ANAPC10: variants seen among roughly 807,000 people sequenced by gnomAD.
ANAPC10 encodes the protein anaphase-promoting complex subunit 10.
A neutral mutation model predicts 22.0 loss-of-function variants in ANAPC10; 12 were observed. The ratio of observed to expected loss-of-function variants is 0.55; its 90% CI spans 0.35 to 0.88. ANAPC10 has a LOEUF of 0.88. ANAPC10 is among the 40% of genes least tolerant of loss of function. The probability of loss-of-function intolerance (pLI) is 0.01; values close to 1 mark genes in which losing one functional copy is unlikely to be tolerated. For synonymous variants in ANAPC10, 65 were observed against 69.5 expected, an observed-to-expected ratio of 0.94 and a Z score of 0.32; for missense variants, 188 against 220.9, an observed-to-expected ratio of 0.85 and a Z score of 0.94.
At chr4:145,097,855 G>A (rs1207636267) in intron 1 of ANAPC10, 1 of 327,878 alleles carries the variant, frequency 3.0e-6, no homozygotes, top group Non-Finnish European at 6.0e-6. Context: ...TATGGAGCTC[G>A]GAAAAGATTG....
chr4:145,013,205 T>A (rs1046547007), intron 4 of ANAPC10, among the ~76,000 whole-genome samples: 2 of 152,172 alleles, frequency 1.3e-5, no homozygotes, highest in African/African-American at 4.8e-5. Context: ...GAGGCCTGCA[T>A]AATTTTTGTT....
Position 145,081,729 on chromosome 4 carries a change from C to T in ANAPC10, c.137G>A (p.Arg46Gln), listed in dbSNP as rs35257136. Residue 46 changes from arginine (R) to glutamine (Q), a missense_variant, in exon 3 of 5, where the codon CGA becomes CAA. Physicochemically the swap from Arg to Gln is conservative, Grantham distance 43. Coordinates refer to ENST00000507656, the MANE Select transcript of ANAPC10 (RefSeq NM_001256706.2). ...CKPGFGVDQL[R>Q]DDNLETYWQS... is the part of the protein sequence containing the mutation. ...CCAATAAGTTTCTAGATTGTCATCT[C>T]GTAACTGATCCACTCCAAATCCTAA... 2.7e-4 allele frequency: 435 copies of T among 1,612,542 alleles called. No homozygotes were observed. Among genetic ancestry groups the T allele is most frequent in the Non-Finnish European group, 3.6e-4 (424 of 1,179,338 alleles).
chr4:145,073,997 T>C (rs1379708540), intron 3 of ANAPC10, among the ~76,000 whole-genome samples: 1 of 151,934 alleles, frequency 6.6e-6, no homozygotes, highest in Non-Finnish European at 1.5e-5. Context: ...CATTAGTCCC[T>C]ATAATCCATA....
At chr4:145,088,414 A>T (rs1747204917) in intron 2 of ANAPC10, among the ~76,000 whole-genome samples, 2 of 152,166 alleles carry the variant, frequency 1.3e-5, no homozygotes, top group Non-Finnish European at 2.9e-5. Context: ...GCATTGCAAA[A>T]TTAACATATA....
chr4:145,052,969 T>C (rs1016668243), intron 4 of ANAPC10, among the ~76,000 whole-genome samples: 8 of 151,532 alleles, frequency 5.3e-5, no homozygotes, highest in South Asian at 2.1e-4. Flanking sequence ...AGGGAAGAAG[T>C]AGGAAAAACA....
intron 4 of ANAPC10, among the ~76,000 whole-genome samples, chr4:145,039,537 T>C (rs1389570317): frequency 6.6e-6 from 1 of 152,170 alleles, no homozygotes; most frequent in Non-Finnish European, 1.5e-5. Flanking sequence ...GCAAGCACAG[T>C]TGTAAGAACT....
intron 4 of ANAPC10, among the ~76,000 whole-genome samples, chr4:145,022,648 T>C (rs935813278): frequency 6.6e-6 from 1 of 151,904 alleles, no homozygotes; most frequent in Admixed American, 6.6e-5. Flanking sequence ...CAATAACCTA[T>C]GGAAAATTTT....
intron 3 of ANAPC10, among the ~76,000 whole-genome samples, chr4:145,070,004 A>G (rs1007656400): frequency 3.9e-5 from 6 of 151,938 alleles, no homozygotes; most frequent in Non-Finnish European, 5.9e-5. Flanking sequence ...TTTAGTGAAT[A>G]ACTAAATAAT....
rs149008186 is a variant in ANAPC10 at position 145,072,121 on chromosome 4, T to C, written c.207-7429A>G. Among the ~76,000 whole-genome samples, 359 of 152,246 alleles carry C rather than the reference T, an allele frequency of 2.4e-3. 3 individuals are homozygous for C. The highest frequency in any genetic ancestry group is 7.7e-3 in the African/African-American group (320 of 41,544). ...AACTTAAAGAAACTTTAAAGCAAGA[T>C]TGAGGCTTTCACTACTCACTAGAAC... On this transcript the variant is annotated intron_variant, in intron 3 of 4. Transcript: ENST00000507656.
chr4:145,026,019 G>A (rs183197708), intron 4 of ANAPC10, among the ~76,000 whole-genome samples: 22 of 152,240 alleles, frequency 1.4e-4, no homozygotes, highest in South Asian at 4.2e-4. Context: ...AATATAAAGC[G>A]AACTGTACAA....
At chr4:145,072,085 G>C (rs1392334858) in intron 3 of ANAPC10, among the ~76,000 whole-genome samples, 1 of 152,068 alleles carries the variant, frequency 6.6e-6, no homozygotes, top group East Asian at 1.9e-4. Context: ...CAAGTTTAGG[G>C]AGAGGAATAA....
chr4:145,076,662 T>G (rs984213622), intron 3 of ANAPC10, among the ~76,000 whole-genome samples: 6 of 152,128 alleles, frequency 3.9e-5, no homozygotes, highest in Admixed American at 3.3e-4. Context: ...GTGAAGAACA[T>G]TAAGATGCAG....
intron 4 of ANAPC10, among the ~76,000 whole-genome samples, chr4:145,005,909 G>C (rs1192443285): frequency 6.6e-6 from 1 of 152,118 alleles, no homozygotes; most frequent in Non-Finnish European, 1.5e-5. Flanking sequence ...GCCACATGTA[G>C]ATGAGAAAAA....
chr4:145,084,627 T>C (rs1020597719), intron 2 of ANAPC10, among the ~76,000 whole-genome samples: 4 of 152,084 alleles, frequency 2.6e-5, no homozygotes, highest in African/African-American at 7.2e-5. Flanking sequence ...ACTAATTTGG[T>C]CTGCATTCAA....
Position 145,054,650 on chromosome 4 carries a change from CGCGCGT to C in ANAPC10, c.327+9916_327+9921del, listed in dbSNP as rs1318435765. 1.1e-3 allele frequency among the ~76,000 whole-genome samples: 165 copies of C among 144,188 alleles called. 1 individual carries two copies. Among genetic ancestry groups the C allele is most frequent in the African/African-American group, 3.9e-3 (150 of 38,494 alleles). 94.6% of individuals were successfully genotyped at this position (144,188 alleles called of 152,430 possible). ...GTGTGTGTGTGTGTGTGCGCGCGCG[CGCGCGT>C]GCGTGCAGCGCATGTGTGTGTGTGT... On this transcript the variant is annotated intron_variant, in intron 4 of 4. Transcript: ENST00000507656.
At chr4:145,090,262 A>G (rs1464340897) in intron 2 of ANAPC10, among the ~76,000 whole-genome samples, 2 of 152,104 alleles carry the variant, frequency 1.3e-5, no homozygotes, top group African/African-American at 4.8e-5. Flanking sequence ...ATATGTAAAA[A>G]GTTGTACAGT....
chr4:145,035,325 T>C (rs994562843), intron 4 of ANAPC10: 4 of 152,238 alleles, frequency 2.6e-5, no homozygotes, highest in African/African-American at 9.6e-5. Flanking sequence ...GTCAAGAATA[T>C]ACGAGTAGCT....
intron 4 of ANAPC10, among the ~76,000 whole-genome samples, chr4:145,027,807 T>C (rs1736980853): frequency 6.6e-6 from 1 of 152,160 alleles, no homozygotes; most frequent in African/African-American, 2.4e-5. Flanking sequence ...TTTTCAGTCA[T>C]GCAAGGTTTC....
intron 3 of ANAPC10, among the ~76,000 whole-genome samples, chr4:145,074,359 T>C (rs1363252008): frequency 2.0e-5 from 3 of 152,048 alleles, no homozygotes; most frequent in African/African-American, 4.8e-5. Flanking sequence ...ATGTAATAGG[T>C]AAGTTTTTAA....
Sources: gnomAD v4.1 joint callset for allele counts (sites outside exome capture counted in the v4.1 genomes callset) on GRCh38, gnomAD v4.1.1 for gene constraint, MANE v1.5 for transcripts, NCBI Gene and HGNC (gene_info 2026-07-23, HGNC 2026-07-21) for gene names.